EBF1: variants seen among roughly 807,000 people sequenced by gnomAD.
EBF1 encodes the protein transcription factor COE1.
In EBF1, 10 loss-of-function variants were observed where a neutral mutation model predicts 68.4. The observed-to-expected ratio is 0.15, with a 90% CI of 0.09 to 0.25. The LOEUF (loss-of-function observed/expected upper bound fraction) is 0.25. EBF1 is among the 10% of genes least tolerant of loss of function. The pLI, the probability that EBF1 is intolerant of heterozygous loss-of-function variation, is 1.00. For missense variants in EBF1, 509 were observed against 794.4 expected (o/e 0.64, Z 4.32); for synonymous variants, 298 against 299.8 (o/e 0.99, Z 0.06).
intron 10 of EBF1, among the ~76,000 whole-genome samples, chr5:158,750,045 C>A (rs1160101854): frequency 6.6e-6 from 1 of 152,054 alleles, no homozygotes; most frequent in East Asian, 1.9e-4. Context: ...ACTGGTAAAT[C>A]TAACATTAAT....
At chr5:159,040,603 G>A (rs1771001914) in intron 6 of EBF1, among the ~76,000 whole-genome samples, 1 of 152,156 alleles carries the variant, frequency 6.6e-6, no homozygotes, top group Admixed American at 6.6e-5. Flanking sequence ...GAACAAGAAT[G>A]GAGAAAAGAA....
intron 10 of EBF1, among the ~76,000 whole-genome samples, chr5:158,741,787 A>T (rs1266779316): frequency 1.3e-5 from 2 of 152,214 alleles, no homozygotes; most frequent in Non-Finnish European, 2.9e-5. Flanking sequence ...ATTAAATGCT[A>T]AGTGCCACAA....
chr5:158,815,037 TAAG>T (rs1339726092), intron 8 of EBF1, among the ~76,000 whole-genome samples: 5 of 152,090 alleles, frequency 3.3e-5, no homozygotes, highest in Non-Finnish European at 7.4e-5. Flanking sequence ...AAGAAAAAAA[TAAG>T]AACAATAGGA....
At position 158,777,548 on chromosome 5, in the gene EBF1, G is replaced by A. The variant is rs1294967491; in HGVS notation, c.910-9C>T. 9 of 1,588,648 alleles carry A rather than the reference G, an allele frequency of 5.7e-6. No individual in the cohort carries two copies. In the South Asian group the frequency reaches 8.1e-5, roughly 14 times the overall value. ...GCATGAGGAGTGATCAACTGGAGGA[G>A]ACATTTGGGGGGAAAAATTGTCATT... On this transcript the variant is annotated splice_polypyrimidine_tract_variant and intron_variant, in intron 9 of 15. Coordinates refer to ENST00000313708, the MANE Select transcript of EBF1 (RefSeq NM_024007.5).
chr5:158,751,228 T>TC (rs1479874267), intron 10 of EBF1, among the ~76,000 whole-genome samples: 1 of 152,142 alleles, frequency 6.6e-6, no homozygotes, highest in Non-Finnish European at 1.5e-5. Context: ...ATCCTGTTTT[T>TC]CTCTAAATTT....
chr5:158,853,450 A>T (rs1793371515), intron 6 of EBF1, among the ~76,000 whole-genome samples: 1 of 152,236 alleles, frequency 6.6e-6, no homozygotes, highest in Admixed American at 6.5e-5. Flanking sequence ...AAAGATGTGC[A>T]GCTGGGGTTG....
At chr5:159,027,892 AG>A (rs1768010648) in intron 6 of EBF1, among the ~76,000 whole-genome samples, 1 of 152,206 alleles carries the variant, frequency 6.6e-6, no homozygotes, top group South Asian at 2.1e-4. Flanking sequence ...TGTCACACCC[AG>A]GGTTCCCCCA....
At chr5:158,754,748 C>T (rs1192362169) in intron 10 of EBF1, among the ~76,000 whole-genome samples, 2 of 152,028 alleles carry the variant, frequency 1.3e-5, no homozygotes, top group African/African-American at 2.4e-5. Flanking sequence ...ACCATCCTGA[C>T]CTGACAAAGA....
intron 7 of EBF1, among the ~76,000 whole-genome samples, chr5:158,824,488 G>A (rs1460957802): frequency 6.6e-6 from 1 of 152,244 alleles, no homozygotes; most frequent in African/African-American, 2.4e-5. Context: ...AGCCTCCAGA[G>A]CGAAGGCTGA....
chr5:158,748,324 C>G (rs1768041112), intron 10 of EBF1, among the ~76,000 whole-genome samples: 1 of 152,136 alleles, frequency 6.6e-6, no homozygotes, highest in African/African-American at 2.4e-5. Flanking sequence ...CAAGTTTCCC[C>G]TCATCAAGTA....
chr5:158,767,200 A>T (rs933970986), intron 10 of EBF1, among the ~76,000 whole-genome samples: 1 of 152,182 alleles, frequency 6.6e-6, no homozygotes, highest in African/African-American at 2.4e-5. Context: ...AGAAGTAAGT[A>T]CTCAAAAACA....
At chr5:158,806,708 C>A (rs1781653992) in intron 8 of EBF1, among the ~76,000 whole-genome samples, 1 of 152,154 alleles carries the variant, frequency 6.6e-6, no homozygotes, top group Non-Finnish European at 1.5e-5. Context: ...ATGTCTTAGG[C>A]TCCTGAAATT....
intron 6 of EBF1, among the ~76,000 whole-genome samples, chr5:158,904,252 G>C (rs911135777): frequency 6.6e-6 from 1 of 152,164 alleles, no homozygotes; most frequent in African/African-American, 2.4e-5. Context: ...GTGCCTGCTT[G>C]AGAGGGGGAC....
At chr5:158,902,704 T>C (rs1803692180) in intron 6 of EBF1, among the ~76,000 whole-genome samples, 1 of 151,870 alleles carries the variant, frequency 6.6e-6, no homozygotes, top group Non-Finnish European at 1.5e-5. Context: ...GATCCTCCCA[T>C]ATCAGCCTCT....
At chr5:158,764,239 G>A (rs1428991954) in intron 10 of EBF1, among the ~76,000 whole-genome samples, 4 of 152,150 alleles carry the variant, frequency 2.6e-5, no homozygotes, top group African/African-American at 9.7e-5. Context: ...GTGAGCCTAA[G>A]GAAAATATAT....
chr5:158,881,023 A>T (rs1184235082), intron 6 of EBF1, among the ~76,000 whole-genome samples: 1 of 152,234 alleles, frequency 6.6e-6, no homozygotes, highest in East Asian at 1.9e-4. Context: ...GAGGGGAAAA[A>T]AAAACACAGT....
At chr5:158,964,929 T>A (rs1397165534) in intron 6 of EBF1, among the ~76,000 whole-genome samples, 1 of 152,238 alleles carries the variant, frequency 6.6e-6, no homozygotes, top group Admixed American at 6.5e-5. Flanking sequence ...ATATTTCACA[T>A]TTGTCAAACA....
chr5:158,974,066 C>T (rs1204127515), intron 6 of EBF1, among the ~76,000 whole-genome samples: 3 of 152,192 alleles, frequency 2.0e-5, no homozygotes, highest in Non-Finnish European at 4.4e-5. Flanking sequence ...GTTTGTAGGT[C>T]TGCATGCTCC....
chr5:158,761,442 A>G (rs758255211), intron 10 of EBF1, among the ~76,000 whole-genome samples: 5 of 152,190 alleles, frequency 3.3e-5, no homozygotes, highest in Non-Finnish European at 5.9e-5. Context: ...TATGCTTCCT[A>G]TGAAATAATG....
Sources: gnomAD v4.1 joint callset for allele counts (sites outside exome capture counted in the v4.1 genomes callset) on GRCh38, gnomAD v4.1.1 for gene constraint, MANE v1.5 for transcripts, NCBI Gene and HGNC (gene_info 2026-07-23, HGNC 2026-07-21) for gene names.